Variants in B3GAT1 observed in about 807,000 individuals in gnomAD.
The protein encoded by B3GAT1 is galactosylgalactosylxylosylprotein 3-beta-glucuronosyltransferase 1.
In B3GAT1, 11 loss-of-function variants were observed where a neutral mutation model predicts 28.4. That is an observed-to-expected ratio of 0.39 (90% CI 0.24 to 0.64). The LOEUF is 0.64. Ranked by LOEUF, B3GAT1 falls within the 30% of genes least tolerant of loss-of-function variation. B3GAT1 has a pLI of 0.50. For missense variants in B3GAT1, 375 were observed against 491.0 expected, an observed-to-expected ratio of 0.76 and a Z score of 2.23; for synonymous variants, 255 against 223.1, an observed-to-expected ratio of 1.14 and a Z score of -1.27.
chr11:134,406,247 G>A lies in B3GAT1; in HGVS notation c.-282+5560C>T, dbSNP rs952712168. Among the ~76,000 whole-genome samples, 5 of 152,216 alleles carry A rather than the reference G, an allele frequency of 3.3e-5. No individual in the cohort carries two copies. The East Asian group carries it at 5.8e-4, about 18-fold the overall frequency. The stretch of plus-strand genomic sequence containing the variant: ...CACATCCCTTCCTCCATCCCTGCTC[G>A]ACATGGTGCTGGCTGGTGGCAGCTA... On this transcript the variant is annotated intron_variant, in intron 1 of 5. Coordinates refer to ENST00000312527, the MANE Select transcript of B3GAT1 (RefSeq NM_054025.3).
In B3GAT1 at chr11:134,384,143, G is replaced by A; in HGVS notation, c.158C>T (p.Pro53Leu). The change falls in exon 3 of 6, where the codon CCC becomes CTC. Residue 53 changes from proline (P) to leucine (L), a missense_variant. Pro to Leu is a moderately conservative substitution (Grantham distance 98, BLOSUM62 -3). Transcript: ENST00000312527. ...PRRETPPGAD[P>L]REYCTSDRDI... ...GCGGTCAGACGTGCAGTACTCCCTG[G>A]GGTCGGCGCCGGGCGGCGTTTCGCG... 1 of 1,568,794 alleles carries A rather than the reference G, an allele frequency of 6.4e-7. No homozygotes were observed. Among genetic ancestry groups the A allele is most frequent in the Middle Eastern group, 1.7e-4 (1 of 5,862 alleles).
chr11:134,394,990 C>A (rs1382452935), intron 1 of B3GAT1, among the ~76,000 whole-genome samples: 6 of 152,190 alleles, frequency 3.9e-5, no homozygotes, highest in Non-Finnish European at 8.8e-5. Flanking sequence ...TAGTACTCTG[C>A]AAGTCAAAGT....
At chr11:134,409,838 C>T (rs893735742) in intron 1 of B3GAT1, 5 of 152,702 alleles carry the variant, frequency 3.3e-5, no homozygotes, top group African/African-American at 9.6e-5. Context: ...TCGGATTCCT[C>T]CTCCTCCTGA....
In B3GAT1 at chr11:134,405,561, G is replaced by A. The variant is rs542828020; in HGVS notation, c.-282+6246C>T. The stretch of plus-strand genomic sequence containing the variant: ...TTGGTTTTCCTGGGTCCAGCCGTCT[G>A]AGGGAGAAGAGAGGAGGTGAGGGGC... On this transcript the variant is annotated intron_variant, in intron 1 of 5. Coordinates refer to ENST00000312527, the MANE Select transcript of B3GAT1 (RefSeq NM_054025.3). 1.4e-4 allele frequency among the ~76,000 whole-genome samples: 22 copies of A among 152,336 alleles called. No homozygotes were observed. The South Asian group carries it at 4.6e-3, about 32-fold the overall frequency.
intron 1 of B3GAT1, among the ~76,000 whole-genome samples, chr11:134,397,296 T>C (rs1033921240): frequency 3.9e-5 from 6 of 152,112 alleles, no homozygotes; most frequent in African/African-American, 1.4e-4. Context: ...TGCGACCTGC[T>C]CAGATCCTCC....
chr11:134,398,774 G>A (rs1944553453), intron 1 of B3GAT1, among the ~76,000 whole-genome samples: 1 of 152,150 alleles, frequency 6.6e-6, no homozygotes, highest in African/African-American at 2.4e-5. Context: ...CCCGGCCTCT[G>A]GGGACATACG....
At position 134,411,917 on chromosome 11, in the gene B3GAT1, C is replaced by T. The variant is rs567008685; in HGVS notation, c.-392G>A. The T allele has an allele frequency of 6.0e-5, 9 of 150,624 alleles. No homozygotes were observed. The highest frequency in any genetic ancestry group is 4.0e-4 in the South Asian group (2 of 4,958). The allele number at this position is 150,624 out of a possible 1,614,324, so 9.3% of individuals were successfully genotyped here. The stretch of plus-strand genomic sequence containing the variant: ...TGCCCTGGGCCGCGTGCGGCTCCCT[C>T]CCCGGGGACTGTCGGGCTCCGGGCC... On this transcript the variant is annotated 5_prime_UTR_variant, in exon 1 of 6. Transcript: ENST00000312527. This position sits in a 1 kb window ranked among gnomAD's most constrained non-coding sequence, Gnocchi z 6.0.
intron 1 of B3GAT1, among the ~76,000 whole-genome samples, chr11:134,402,057 G>A (rs1335089242): frequency 6.6e-6 from 1 of 151,928 alleles, no homozygotes; most frequent in African/African-American, 2.4e-5. Flanking sequence ...GTTCCTGCTT[G>A]GAGGACGTGC....
At chr11:134,401,522 C>T (rs1944613026) in intron 1 of B3GAT1, among the ~76,000 whole-genome samples, 1 of 151,756 alleles carries the variant, frequency 6.6e-6, no homozygotes, top group South Asian at 2.1e-4. Flanking sequence ...GGCAGCTAAA[C>T]ATTGGGTACT....
At chr11:134,407,785 AC>A (rs1944763571) in intron 1 of B3GAT1, among the ~76,000 whole-genome samples, 1 of 152,018 alleles carries the variant, frequency 6.6e-6, no homozygotes, top group Non-Finnish European at 1.5e-5. Flanking sequence ...TAAACAGAAA[AC>A]ACTAGATTTG....
Position 134,387,728 on chromosome 11 carries a change from A to G in B3GAT1, c.-69T>C, listed in dbSNP as rs1357964044. 2.1e-5 allele frequency: 33 copies of G among 1,599,880 alleles called. No homozygotes were observed. Among genetic ancestry groups the G allele is most frequent in the Non-Finnish European group, 2.6e-5 (31 of 1,173,780 alleles). ...CGGTAAGTTCAGGAGAGGGGCGGCC[A>G]CGGGCGGCGGCAGCACAGGGGAGAA... On this transcript the variant is annotated 5_prime_UTR_variant, in exon 2 of 6. Transcript: ENST00000312527.
intron 1 of B3GAT1, among the ~76,000 whole-genome samples, chr11:134,404,018 TATATATATATA>T (rs1944678400): frequency 8.1e-6 from 1 of 123,200 alleles, no homozygotes; most frequent in Admixed American, 7.9e-5. Flanking sequence ...TATATATATA[TATATATATATA>T]TTTATTATAC....
chr11:134,382,719 G>T lies in B3GAT1; in HGVS notation c.909C>A (p.Asn303Lys), dbSNP rs1944163577. The T allele has an allele frequency of 6.2e-7, 1 of 1,613,078 alleles. No homozygotes were observed. The highest frequency in any genetic ancestry group is 8.5e-7 in the Non-Finnish European group (1 of 1,179,280). Reference sequence around the variant, plus strand: ...CTGCGGAGGGTCTCACCTTGGTGCAGTTGGCTGCCTTGGGCTCCAGGTCGT... The same window carrying T: ...CTGCGGAGGGTCTCACCTTGGTGCATTTGGCTGCCTTGGGCTCCAGGTCGT... Reference protein sequence around the residue: ...TLNDLEPKAANCTKILVWHTR... With the variant: ...TLNDLEPKAAKCTKILVWHTR... Residue 303 changes from asparagine (N) to lysine (K), a missense_variant, in exon 4 of 6, where the codon AAC (asparagine) becomes AAA (lysine). Coordinates refer to ENST00000312527, the MANE Select transcript of B3GAT1 (RefSeq NM_054025.3).
At chr11:134,394,759 T>C (rs1944472613) in intron 1 of B3GAT1, among the ~76,000 whole-genome samples, 1 of 152,242 alleles carries the variant, frequency 6.6e-6, no homozygotes, top group South Asian at 2.1e-4. Context: ...CCCTTCTAAC[T>C]GGGAAAACCC....
At chr11:134,408,095 T>A (rs925292921) in intron 1 of B3GAT1, among the ~76,000 whole-genome samples, 1 of 152,196 alleles carries the variant, frequency 6.6e-6, no homozygotes, top group African/African-American at 2.4e-5. Flanking sequence ...GGCTCTGGGT[T>A]CTTTGGGTTG....
chr11:134,392,150 T>A (rs1447346461), intron 1 of B3GAT1: 1 of 152,226 alleles, frequency 6.6e-6, no homozygotes, highest in East Asian at 1.9e-4. Flanking sequence ...AGTGGGCACC[T>A]AGGGCCAGAG....
At chr11:134,380,957 G>A (rs1944109020) in intron 5 of B3GAT1, among the ~76,000 whole-genome samples, 2 of 152,170 alleles carry the variant, frequency 1.3e-5, no homozygotes, top group Non-Finnish European at 2.9e-5. Flanking sequence ...ATTCTAAGTG[G>A]CGCTGGCCAA....
intron 1 of B3GAT1, among the ~76,000 whole-genome samples, chr11:134,397,858 T>C (rs1374257552): frequency 6.6e-6 from 1 of 152,064 alleles, no homozygotes; most frequent in East Asian, 1.9e-4. Flanking sequence ...TGGGCCTGAG[T>C]GGCAGTTAGG....
chr11:134,387,102 C>A lies in B3GAT1; in HGVS notation c.112+446G>T, dbSNP rs892993556. 1.6e-5 allele frequency: 3 copies of A among 191,194 alleles called. No individual in the cohort carries two copies. In the South Asian group the frequency reaches 3.4e-4, roughly 22 times the overall value. 11.8% of individuals were successfully genotyped at this position (191,194 alleles called of 1,614,324 possible). A position where few individuals can be genotyped will look rare whatever the true frequency, so the allele number is the denominator to read the frequency against. ...ACCCACTGACTTTCTTCAGACTATGCAATTCTGGGCCAGCTCAGCTGCCGA... is the reference window on the plus strand; with the variant it reads ...ACCCACTGACTTTCTTCAGACTATGAAATTCTGGGCCAGCTCAGCTGCCGA... On this transcript the variant is annotated intron_variant, in intron 2 of 5. Transcript: ENST00000312527.
Sources: gnomAD v4.1 joint callset for allele counts (sites outside exome capture counted in the v4.1 genomes callset) on GRCh38, gnomAD v4.1.1 for gene constraint, Gnocchi (gnomAD v3.1) non-coding constraint, MANE v1.5 for transcripts, NCBI Gene and HGNC (gene_info 2026-07-23, HGNC 2026-07-21) for gene names.